OLFML2A: variants seen among roughly 807,000 people sequenced by gnomAD.
OLFML2A encodes the protein olfactomedin like 2A.
In OLFML2A, 47 loss-of-function variants were observed where a neutral mutation model predicts 60.9. The ratio of observed to expected loss-of-function variants is 0.77; its 90% CI spans 0.61 to 0.98. The LOEUF (loss-of-function observed/expected upper bound fraction) is 0.98. Ranked by LOEUF, OLFML2A falls within the 50% of genes least tolerant of loss-of-function variation. The probability of loss-of-function intolerance (pLI) is 0.00; values close to 1 mark genes in which losing one functional copy is unlikely to be tolerated. For missense variants in OLFML2A, 922 were observed against 879.8 expected (o/e 1.05, Z -0.61); for synonymous variants, 372 against 375.0 (o/e 0.99, Z 0.09).
At chr9:124,783,326 G>T (rs567428512) in intron 1 of OLFML2A, among the ~76,000 whole-genome samples, 1 of 152,076 alleles carries the variant, frequency 6.6e-6, no homozygotes, top group African/African-American at 2.4e-5. Flanking sequence ...ACAAAAATTA[G>T]CCGGACATGG....
chr9:124,800,535 C>G lies in OLFML2A; in HGVS notation c.670-879C>G, dbSNP rs980670331. Among the ~76,000 whole-genome samples, 12 of 152,356 alleles carry G rather than the reference C, an allele frequency of 7.9e-5. 1 individual carries two copies. The highest frequency in any genetic ancestry group is 2.9e-4 in the African/African-American group (12 of 41,580). On this transcript the variant is annotated intron_variant, in intron 4 of 7. Coordinates refer to ENST00000373580, the MANE Select transcript of OLFML2A (RefSeq NM_182487.4). The stretch of plus-strand genomic sequence containing the variant: ...TGACTGCCAAGCCCACCCTCTTCCT[C>G]TCTTCTTCTCCACATCTCGGTCTCC...
Position 124,799,346 on chromosome 9 carries a change from G to A in OLFML2A, c.524G>A (p.Ser175Asn). ...EVVKDSVRHL[S>N]EQLRHYENHS... ...GTGAAGGACAGCGTGCGCCACCTCA[G>A]TGAGCAGTTGAGGCACTATGAGAAT... The change falls in exon 4 of 8, where the codon AGT becomes AAT. Residue 175 changes from serine to asparagine, a missense_variant. Physicochemically the swap from Ser to Asn is conservative, Grantham distance 46 (BLOSUM62 1). Coordinates refer to ENST00000373580, the MANE Select transcript of OLFML2A (RefSeq NM_182487.4). 1.2e-6 allele frequency: 2 copies of A among 1,613,824 alleles called. No individual in the cohort carries two copies. The highest frequency in any genetic ancestry group is 1.7e-6 in the Non-Finnish European group (2 of 1,179,884).
rs1044132276 is a variant in OLFML2A, at chr9:124,813,920, C to G, written c.*3508C>G. The G allele has an allele frequency of 1.3e-4, 20 of 152,168 alleles. No individual in the cohort carries two copies. The highest frequency in any genetic ancestry group is 4.8e-4 in the African/African-American group (20 of 41,444). The allele number at this position is 152,168 out of a possible 1,614,324, so 9.4% of individuals were successfully genotyped here. On this transcript the variant is annotated 3_prime_UTR_variant, in exon 8 of 8. Transcript: ENST00000373580. Reference sequence around the variant, plus strand: ...GCTTTGTTGCTTTTGGCAAAAGGTACTTCAAACAAGGGAGGGCCTGGACTG... The same window carrying G: ...GCTTTGTTGCTTTTGGCAAAAGGTAGTTCAAACAAGGGAGGGCCTGGACTG...
intron 1 of OLFML2A, among the ~76,000 whole-genome samples, chr9:124,785,096 G>A (rs941615400): frequency 5.3e-5 from 8 of 151,584 alleles, no homozygotes; most frequent in Admixed American, 1.3e-4. Flanking sequence ...TGGGGCTACA[G>A]GCATGTGCCA....
In OLFML2A at chr9:124,805,822, T is replaced by C. The variant is rs567725292; in HGVS notation, c.1168+1480T>C. On this transcript the variant is annotated intron_variant, in intron 6 of 7. Transcript: ENST00000373580. The stretch of plus-strand genomic sequence containing the variant: ...TGGTTTTTTTGGTTTTTTTTTTTTT[T>C]TTTTTTTTTTTGAGACGGAGTCTGA... Among the ~76,000 whole-genome samples, 3 of 137,140 alleles carry C rather than the reference T, an allele frequency of 2.2e-5. No homozygotes were observed. The East Asian group carries it at 6.3e-4, about 29-fold the overall frequency. The allele number at this position is 137,140 out of a possible 152,430, so 90.0% of individuals were successfully genotyped here.
chr9:124,809,032 T>TG (rs1190211253), intron 7 of OLFML2A, among the ~76,000 whole-genome samples: 1 of 148,910 alleles, frequency 6.7e-6, no homozygotes, highest in Non-Finnish European at 1.5e-5. Context: ...CTGGGTGTGG[T>TG]GGCAGGCGCC....
At position 124,795,175 on chromosome 9, in the gene OLFML2A, G is replaced by C. The variant is rs753135545; in HGVS notation, c.462+44G>C. 3.3e-6 allele frequency: 4 copies of C among 1,216,456 alleles called. No homozygotes were observed. The South Asian group carries it at 5.2e-5, about 16-fold the overall frequency. The allele number at this position is 1,216,456 out of a possible 1,614,324, so 75.4% of individuals were successfully genotyped here. A position where few individuals can be genotyped will look rare whatever the true frequency, so the allele number is the denominator to read the frequency against. ...CCAGAGGCCAGGCTGCTCTGGTGCTGGGGGCCAAGGGCACTGTCCGAAGGG... is the reference window on the plus strand; with the variant it reads ...CCAGAGGCCAGGCTGCTCTGGTGCTCGGGGCCAAGGGCACTGTCCGAAGGG... On this transcript the variant is annotated intron_variant, in intron 3 of 7. Transcript: ENST00000373580.
chr9:124,778,190 T>C (rs1025777090), intron 1 of OLFML2A, among the ~76,000 whole-genome samples: 1 of 151,626 alleles, frequency 6.6e-6, no homozygotes, highest in African/African-American at 2.4e-5. Context: ...AAACCCCGTC[T>C]CTACTAAAAA....
chr9:124,777,540 G>T lies in OLFML2A; in HGVS notation c.90+180G>T, dbSNP rs1841280790. ...GGGGCAGGGGCCCCGAGAGAGGGGCGCGTGGAGGAACAAGCGCTGGAGATG... is the reference window on the plus strand; with the variant it reads ...GGGGCAGGGGCCCCGAGAGAGGGGCTCGTGGAGGAACAAGCGCTGGAGATG... On this transcript the variant is annotated intron_variant, in intron 1 of 7. Coordinates refer to ENST00000373580, the MANE Select transcript of OLFML2A (RefSeq NM_182487.4). This position sits in a 1 kb window ranked among gnomAD's most constrained non-coding sequence, Gnocchi z 6.2. 6.6e-6 allele frequency among the ~76,000 whole-genome samples: 1 copy of T among 152,152 alleles called. No homozygotes were observed. The highest frequency in any genetic ancestry group is 2.4e-5 in the African/African-American group (1 of 41,454).
In OLFML2A at chr9:124,780,000, C is replaced by T. The variant is rs1459372137; in HGVS notation, c.90+2640C>T. Among the ~76,000 whole-genome samples the T allele has an allele frequency of 6.6e-6, 1 of 152,242 alleles. No individual in the cohort carries two copies. Among genetic ancestry groups the T allele is most frequent in the Non-Finnish European group, 1.5e-5 (1 of 68,042 alleles). ...GCACATTCAGGGGTCCAGGGCAGCT[C>T]ACCCCAGGACTCTGTTGGTCTCCTT... is the stretch of plus-strand genomic sequence containing the variant. On this transcript the variant is annotated intron_variant, in intron 1 of 7. Coordinates refer to ENST00000373580, the MANE Select transcript of OLFML2A (RefSeq NM_182487.4). This position sits in a 1 kb window ranked among gnomAD's most constrained non-coding sequence, Gnocchi z 4.1.
In OLFML2A at chr9:124,811,466, G is replaced by A. The variant is rs954157122; in HGVS notation, c.*1054G>A. 1 of 152,862 alleles carries A rather than the reference G, an allele frequency of 6.5e-6. No individual in the cohort carries two copies. Among genetic ancestry groups the A allele is most frequent in the African/African-American group, 2.4e-5 (1 of 41,482 alleles). 9.5% of individuals were successfully genotyped at this position (152,862 alleles called of 1,614,324 possible). ...AGGCCCAAGTCTGGTGTGGTGCCAG[G>A]ATGGCACAGTTTCCCTCTTCCTTGC... On this transcript the variant is annotated 3_prime_UTR_variant, in exon 8 of 8. Transcript: ENST00000373580.
At chr9:124,798,814 G>C (rs1322578596) in intron 3 of OLFML2A, among the ~76,000 whole-genome samples, 2 of 152,182 alleles carry the variant, frequency 1.3e-5, no homozygotes, top group African/African-American at 2.4e-5. Context: ...ATGGTGTACT[G>C]TGTGGCCATG....
Position 124,795,038 on chromosome 9 carries a change from G to A in OLFML2A, c.369G>A (p.Val123=), listed in dbSNP as rs1841641526. The change falls in exon 3 of 8, where the codon GTG becomes GTA. Residue 123 remains valine (V), a synonymous_variant. Coordinates refer to ENST00000373580, the MANE Select transcript of OLFML2A (RefSeq NM_182487.4). ...APELLKLQSM[V]DLLEGTLYSM... ...TCCCCGGGCAGCTGCAGTCCATGGT[G>A]GATCTCCTGGAGGGCACCCTGTACA... 3 of 1,602,810 alleles carry A rather than the reference G, an allele frequency of 1.9e-6. No homozygotes were observed. The highest frequency in any genetic ancestry group is 2.6e-6 in the Non-Finnish European group (3 of 1,173,398).
intron 3 of OLFML2A, among the ~76,000 whole-genome samples, chr9:124,797,762 TC>T (rs1841694900): frequency 6.6e-6 from 1 of 152,186 alleles, no homozygotes; most frequent in African/African-American, 2.4e-5. Flanking sequence ...GGTTTCCAAG[TC>T]CTCTCCAGTG....
At chr9:124,795,152 A>G in intron 3 of OLFML2A, 21 bp downstream of exon 3, 1 of 1,444,020 alleles carries the variant, frequency 6.9e-7, no homozygotes, top group East Asian at 2.4e-5. Context: ...GGCTGCCGCC[A>G]GAGGCCAGGC....
At chr9:124,804,022 A>G in intron 5 of OLFML2A, 72 bp from the exon 6 acceptor site, 1 of 1,544,006 alleles carries the variant, frequency 6.5e-7, no homozygotes, top group Non-Finnish European at 8.8e-7. Context: ...ATGGGGGCCC[A>G]GTGGACCTTA....
At chr9:124,798,890 A>G (rs189038603) in intron 3 of OLFML2A, among the ~76,000 whole-genome samples, 220 of 152,304 alleles carry the variant, frequency 1.4e-3, no homozygotes, top group Non-Finnish European at 2.2e-3. Context: ...TCAGCAAAAA[A>G]GAAAAGTGGT....
At position 124,799,472 on chromosome 9, in the gene OLFML2A, G is replaced by A; in HGVS notation, c.650G>A (p.Gly217Asp). The A allele has an allele frequency of 6.2e-7, 1 of 1,600,158 alleles. No homozygotes were observed. The highest frequency in any genetic ancestry group is 8.5e-7 in the Non-Finnish European group (1 of 1,174,354). Residue 217 changes from glycine (G) to aspartate (D), a missense_variant, in exon 4 of 8, where the codon GGC (glycine) becomes GAC (aspartate). Gly to Asp is a moderately conservative substitution (Grantham distance 94). Transcript: ENST00000373580. ...AAAAPATPATGTGSKAQDTAR... is the reference protein window; with the variant it reads ...AAAAPATPATDTGSKAQDTAR... Reference sequence around the variant, plus strand: ...GCCGCCCCTGCCACCCCTGCCACGGGCACTGGTAGCAAGGCCCAGGTGAGG... The same window carrying A: ...GCCGCCCCTGCCACCCCTGCCACGGACACTGGTAGCAAGGCCCAGGTGAGG...
rs1588886930 is a variant in OLFML2A, at chr9:124,801,628, A to G, written c.884A>G (p.Lys295Arg). Residue 295 changes from lysine to arginine, a missense_variant, in exon 5 of 8, where the codon AAG becomes AGG. By Grantham distance (26) the Lys-to-Arg change is conservative. Coordinates refer to ENST00000373580, the MANE Select transcript of OLFML2A (RefSeq NM_182487.4). ...QAVIRGFTYYKAGKQEVTEAV... is the reference protein window; with the variant it reads ...QAVIRGFTYYRAGKQEVTEAV... ...GTGATCCGGGGCTTCACCTACTACA[A>G]GGCAGGCAAGCAGGAGGTGACCGAG... is the stretch of plus-strand genomic sequence containing the variant. The G allele has an allele frequency of 1.2e-6, 2 of 1,613,686 alleles. No homozygotes were observed. The highest frequency in any genetic ancestry group is 1.7e-6 in the Non-Finnish European group (2 of 1,179,974).
Sources: gnomAD v4.1 joint callset for allele counts (sites outside exome capture counted in the v4.1 genomes callset) on GRCh38, gnomAD v4.1.1 for gene constraint, Gnocchi (gnomAD v3.1) non-coding constraint, MANE v1.5 for transcripts, NCBI Gene and HGNC (gene_info 2026-07-23, HGNC 2026-07-21) for gene names.